The following GALNT17 variants were observed in gnomAD, a reference collection of about 807,000 sequenced individuals.
GALNT17 encodes the protein polypeptide N-acetylgalactosaminyltransferase 17.
Under a neutral mutation model 63.7 loss-of-function variants are expected in GALNT17, and 29 were observed. The ratio of observed to expected loss-of-function variants is 0.46; its 90% CI spans 0.34 to 0.62. GALNT17 has a LOEUF of 0.62. Ranked by LOEUF, GALNT17 falls within the 20% of genes least tolerant of loss-of-function variation. The pLI is 0.01. For synonymous variants in GALNT17, 305 were observed against 318.3 expected (o/e 0.96, Z 0.45); for missense variants, 603 against 799.6 (o/e 0.75, Z 2.97).
At position 71,132,816 on chromosome 7, in the gene GALNT17, G is replaced by C; in HGVS notation, c.14G>C (p.Arg5Thr). The stretch of plus-strand genomic sequence containing the variant: ...CCGGGCTGTTTGATGGCTTCACTGA[G>C]AAGAGTCAAAGTGCTGTTGGTGTTG... MASL[R>T]RVKVLLVLNL... Residue 5 changes from arginine (R) to threonine (T), a missense_variant, in exon 1 of 11, where the codon AGA (arginine) becomes ACA (threonine). Around this residue, in one of 3 missense-constraint regions of GALNT17, gnomAD observed 195 missense variants for 215.0 expected, o/e 0.91. Transcript: ENST00000333538. The C allele has an allele frequency of 6.2e-7, 1 of 1,607,310 alleles. No individual in the cohort carries two copies. Among genetic ancestry groups the C allele is most frequent in the Non-Finnish European group, 8.5e-7 (1 of 1,176,526 alleles).
chr7:71,549,194 T>C (rs1789034772), intron 5 of GALNT17, among the ~76,000 whole-genome samples: 1 of 152,220 alleles, frequency 6.6e-6, no homozygotes, highest in Non-Finnish European at 1.5e-5. Flanking sequence ...TGTTGACTTG[T>C]TTCTGGAATG....
At chr7:71,439,548 A>G (rs1356154986) in intron 5 of GALNT17, among the ~76,000 whole-genome samples, 1 of 152,214 alleles carries the variant, frequency 6.6e-6, no homozygotes, top group East Asian at 1.9e-4. Context: ...ATCAACCGAC[A>G]TGCACTGTGA....
At chr7:71,594,762 C>A (rs538406086) in intron 6 of GALNT17, among the ~76,000 whole-genome samples, 1 of 152,154 alleles carries the variant, frequency 6.6e-6, no homozygotes, top group African/African-American at 2.4e-5. Context: ...AGCAAATAGC[C>A]CAATAGTAAA....
chr7:71,305,249 G>A (rs951980528), intron 1 of GALNT17, among the ~76,000 whole-genome samples: 2 of 151,990 alleles, frequency 1.3e-5, no homozygotes, highest in African/African-American at 2.4e-5. Flanking sequence ...TAGTTTTTTG[G>A]GATAGTTTTT....
chr7:71,247,648 G>T (rs955735158), intron 1 of GALNT17, among the ~76,000 whole-genome samples: 2 of 152,008 alleles, frequency 1.3e-5, no homozygotes, highest in African/African-American at 4.8e-5. Context: ...GTAGAGATGG[G>T]GTTTTGCCAC....
chr7:71,223,529 T>C (rs1209601972), intron 1 of GALNT17, among the ~76,000 whole-genome samples: 2 of 152,226 alleles, frequency 1.3e-5, no homozygotes, highest in Non-Finnish European at 2.9e-5. Flanking sequence ...ACTTTTTTTT[T>C]TCGAGCACTT....
At chr7:71,384,860 A>T (rs1792911351) in intron 2 of GALNT17, among the ~76,000 whole-genome samples, 1 of 152,164 alleles carries the variant, frequency 6.6e-6, no homozygotes, top group African/African-American at 2.4e-5. Flanking sequence ...AGATCTATCC[A>T]TTCAGATCCA....
chr7:71,292,826 A>G (rs1791008003), intron 1 of GALNT17, among the ~76,000 whole-genome samples: 1 of 152,154 alleles, frequency 6.6e-6, no homozygotes, highest in Non-Finnish European at 1.5e-5. Flanking sequence ...TAGTATAACC[A>G]AAACTTTGGA....
At chr7:71,644,032 G>C (rs1274961874) in intron 6 of GALNT17, among the ~76,000 whole-genome samples, 1 of 152,088 alleles carries the variant, frequency 6.6e-6, no homozygotes, top group East Asian at 1.9e-4. Flanking sequence ...TAAAAGTATT[G>C]GTTGGTCATA....
At chr7:71,294,319 T>G (rs905224923) in intron 1 of GALNT17, among the ~76,000 whole-genome samples, 1 of 152,114 alleles carries the variant, frequency 6.6e-6, no homozygotes, top group African/African-American at 2.4e-5. Flanking sequence ...TATTATTTCT[T>G]TAAATAAGCT....
chr7:71,550,082 A>G (rs1789050750), intron 5 of GALNT17, among the ~76,000 whole-genome samples: 1 of 151,880 alleles, frequency 6.6e-6, no homozygotes, highest in African/African-American at 2.4e-5. Context: ...GAGAACAGTG[A>G]GTGCTAGTGT....
At chr7:71,342,785 C>T (rs1037038936) in intron 2 of GALNT17, among the ~76,000 whole-genome samples, 1 of 152,092 alleles carries the variant, frequency 6.6e-6, no homozygotes, top group African/African-American at 2.4e-5. Flanking sequence ...TCAAGAAATA[C>T]TAACATAATC....
At chr7:71,701,783 GTA>G (rs1220410563) in intron 9 of GALNT17, among the ~76,000 whole-genome samples, 3 of 79,552 alleles carry the variant, frequency 3.8e-5, no homozygotes, top group Admixed American at 1.8e-4. Flanking sequence ...ATGTGTGTGT[GTA>G]TATATATGTG....
intron 3 of GALNT17, among the ~76,000 whole-genome samples, chr7:71,395,829 A>G (rs1375623535): frequency 6.6e-6 from 1 of 152,106 alleles, no homozygotes; most frequent in African/African-American, 2.4e-5. Flanking sequence ...TTGGATTTGC[A>G]TTTCCCTAAT....
chr7:71,280,223 T>C (rs1156870242), intron 1 of GALNT17, among the ~76,000 whole-genome samples: 34 of 152,122 alleles, frequency 2.2e-4, no homozygotes, highest in Admixed American at 2.2e-3. Context: ...AGGGACTTTA[T>C]TCATTCTGGG....
intron 1 of GALNT17, among the ~76,000 whole-genome samples, chr7:71,213,308 C>T (rs1585885622): frequency 6.6e-6 from 1 of 152,204 alleles, no homozygotes; most frequent in Non-Finnish European, 1.5e-5. Context: ...TGCCATGATT[C>T]TGAGGCCTCC....
chr7:71,271,239 A>G (rs7793996), intron 1 of GALNT17, among the ~76,000 whole-genome samples: 8,744 of 152,252 alleles, frequency 0.057, 871 homozygotes, highest in African/African-American at 0.2. Context: ...AGTTAGGGCC[A>G]TATCCATACA....
At chr7:71,633,408 G>T (rs1045579845) in intron 6 of GALNT17, among the ~76,000 whole-genome samples, 4 of 152,170 alleles carry the variant, frequency 2.6e-5, no homozygotes, top group Admixed American at 1.3e-4. Context: ...GTTTGTCCTG[G>T]GGGCCGGGAT....
intron 1 of GALNT17, among the ~76,000 whole-genome samples, chr7:71,182,033 G>A (rs1243329226): frequency 1.3e-5 from 2 of 152,150 alleles, no homozygotes; most frequent in Non-Finnish European, 2.9e-5. Context: ...AAATTAGCTG[G>A]GCGTGGTGGC....
Sources: gnomAD v4.1 joint callset for allele counts (sites outside exome capture counted in the v4.1 genomes callset) on GRCh38, gnomAD v4.1.1 for gene constraint, gnomAD v4.1.1 regional missense constraint, MANE v1.5 for transcripts, NCBI Gene and HGNC (gene_info 2026-07-23, HGNC 2026-07-21) for gene names.